DPYD: variants seen among roughly 807,000 people sequenced by gnomAD.
DPYD encodes dihydropyrimidine dehydrogenase.
In DPYD, 109 loss-of-function variants were observed where a neutral mutation model predicts 116.2. That is an observed-to-expected ratio of 0.94 (90% confidence interval 0.80 to 1.10). The LOEUF (loss-of-function observed/expected upper bound fraction) is 1.10. Ranked by LOEUF, DPYD falls within the 50% of genes least tolerant of loss-of-function variation. The probability of loss-of-function intolerance (pLI) is 0.00; values close to 1 mark genes in which losing one functional copy is unlikely to be tolerated. For synonymous variants in DPYD, 440 were observed against 432.0 expected, an observed-to-expected ratio of 1.02 and a Z score of -0.23; for missense variants, 1,302 against 1,254.5, an observed-to-expected ratio of 1.04 and a Z score of -0.57.
intron 12 of DPYD, among the ~76,000 whole-genome samples, chr1:97,548,516 C>G (rs949483032): frequency 6.6e-6 from 1 of 152,080 alleles, no homozygotes; most frequent in South Asian, 2.1e-4. Context: ...GTGGGCGGAT[C>G]ACTTGAGGCC....
chr1:97,175,651 G>A (rs1334604785), intron 20 of DPYD, among the ~76,000 whole-genome samples: 1 of 152,270 alleles, frequency 6.6e-6, no homozygotes, highest in Non-Finnish European at 1.5e-5. Flanking sequence ...GAGAATGTCT[G>A]TTTCTCAACT....
chr1:97,700,856 G>A (rs1053144129), intron 5 of DPYD, among the ~76,000 whole-genome samples: 1 of 151,522 alleles, frequency 6.6e-6, no homozygotes. Flanking sequence ...AATTTACTAA[G>A]TACATTTAGT....
chr1:97,921,015 G>C lies in DPYD; in HGVS notation c.-93C>G. Reference sequence around the variant, plus strand: ...AGCCAAGTGACAGCAGCCGGAGCGCGAGTCGAAAACAGGCAGACTAGGGCC... The same window carrying C: ...AGCCAAGTGACAGCAGCCGGAGCGCCAGTCGAAAACAGGCAGACTAGGGCC... On this transcript the variant is annotated 5_prime_UTR_variant, in exon 1 of 23. Transcript: ENST00000370192. The C allele has an allele frequency of 1.3e-6, 2 of 1,508,370 alleles. No homozygotes were observed. Among genetic ancestry groups the C allele is most frequent in the Non-Finnish European group, 1.8e-6 (2 of 1,110,586 alleles). The allele number at this position is 1,508,370 out of a possible 1,614,324, so 93.4% of individuals were successfully genotyped here.
At chr1:97,262,915 C>A (rs1350445593) in intron 18 of DPYD, among the ~76,000 whole-genome samples, 1 of 152,010 alleles carries the variant, frequency 6.6e-6, no homozygotes, top group Non-Finnish European at 1.5e-5. Flanking sequence ...ATTTAAGATA[C>A]AGTGCAAATC....
chr1:97,720,885 T>A, intron 5 of DPYD: 1 of 1,609,528 alleles, frequency 6.2e-7, no homozygotes, highest in Non-Finnish European at 8.5e-7. Flanking sequence ...AGAATCAAAG[T>A]CTTTACAAAT....
intron 18 of DPYD, among the ~76,000 whole-genome samples, chr1:97,301,720 G>T (rs1024410729): frequency 3.4e-5 from 5 of 145,978 alleles, no homozygotes; most frequent in Non-Finnish European, 7.7e-5. Context: ...GAAGTCAGCT[G>T]CAAGAAAGAC....
chr1:97,611,006 T>C (rs1655910898), intron 8 of DPYD, among the ~76,000 whole-genome samples: 1 of 152,012 alleles, frequency 6.6e-6, no homozygotes, highest in Non-Finnish European at 1.5e-5. Flanking sequence ...TGTGTGTCTG[T>C]GTACGTATGT....
rs187497433 is a variant in DPYD, at chr1:97,863,313, G to C, written c.150+19951C>G. 3.4e-3 allele frequency among the ~76,000 whole-genome samples: 522 copies of C among 151,932 alleles called. 3 individuals carry two copies. The highest frequency in any genetic ancestry group is 0.017 in the South Asian group (83 of 4,822). On this transcript the variant is annotated intron_variant, in intron 2 of 22. Transcript: ENST00000370192. The stretch of plus-strand genomic sequence containing the variant: ...AAAGTAAAGGTCTGAAAAAGGGAAG[G>C]GAAACAGCAGTTACTATTTGGGAGA...
intron 18 of DPYD, chr1:97,295,590 C>CA (rs1666479243): frequency 5.8e-6 from 1 of 173,824 alleles, no homozygotes; most frequent in Admixed American, 6.5e-5. Flanking sequence ...GTCACCATGC[C>CA]AGGCTAAGTT....
At chr1:97,490,452 C>T (rs115216079) in intron 13 of DPYD, among the ~76,000 whole-genome samples, 12,297 of 141,944 alleles carry the variant, frequency 0.087, 613 homozygotes, top group South Asian at 0.11. Flanking sequence ...TATTATATAA[C>T]GTACTAATTA....
At chr1:97,795,714 A>G (rs925178773) in intron 3 of DPYD, among the ~76,000 whole-genome samples, 1 of 151,978 alleles carries the variant, frequency 6.6e-6, no homozygotes, top group Non-Finnish European at 1.5e-5. Flanking sequence ...TTATATTTCA[A>G]TGCTGAAATT....
At chr1:97,765,870 T>A (rs980586726) in intron 3 of DPYD, among the ~76,000 whole-genome samples, 6 of 152,236 alleles carry the variant, frequency 3.9e-5, no homozygotes, top group African/African-American at 1.4e-4. Flanking sequence ...AGACGATAAG[T>A]GAACTATTAT....
At chr1:97,669,574 G>T (rs1015988327) in intron 8 of DPYD, among the ~76,000 whole-genome samples, 2 of 152,126 alleles carry the variant, frequency 1.3e-5, no homozygotes, top group Non-Finnish European at 2.9e-5. Flanking sequence ...ATTTAATGCA[G>T]TCCCTTAAAA....
intron 3 of DPYD, among the ~76,000 whole-genome samples, chr1:97,796,115 C>A (rs1571371514): frequency 6.6e-6 from 1 of 151,962 alleles, no homozygotes; most frequent in Admixed American, 6.6e-5. Flanking sequence ...ACAGATGTAT[C>A]CCCATTTATA....
chr1:97,176,657 A>G (rs1657280067), intron 20 of DPYD, among the ~76,000 whole-genome samples: 1 of 152,196 alleles, frequency 6.6e-6, no homozygotes, highest in Non-Finnish European at 1.5e-5. Flanking sequence ...AGGTTGCAGA[A>G]AAAGCACTGA....
chr1:97,822,971 T>C (rs1286970353), intron 3 of DPYD, among the ~76,000 whole-genome samples: 5 of 152,232 alleles, frequency 3.3e-5, no homozygotes, highest in Non-Finnish European at 5.9e-5. Context: ...ATTTTGTGAT[T>C]GTCCCCATTT....
chr1:97,316,845 C>T (rs1667884790), intron 16 of DPYD, among the ~76,000 whole-genome samples: 1 of 151,868 alleles, frequency 6.6e-6, no homozygotes, highest in Non-Finnish European at 1.5e-5. Flanking sequence ...TTGTCTGTCA[C>T]TTAGGGGCAG....
chr1:97,380,411 T>A (rs1671886473), intron 15 of DPYD, among the ~76,000 whole-genome samples: 1 of 152,198 alleles, frequency 6.6e-6, no homozygotes, highest in Non-Finnish European at 1.5e-5. Context: ...AACTTCTTTG[T>A]GGTGCTCAAA....
intron 3 of DPYD, among the ~76,000 whole-genome samples, chr1:97,826,010 A>G (rs1217432301): frequency 7.3e-6 from 1 of 137,874 alleles, no homozygotes; most frequent in East Asian, 2.3e-4. Context: ...TAATGAATCC[A>G]GACATTACCA....
Sources: gnomAD v4.1 joint callset for allele counts (sites outside exome capture counted in the v4.1 genomes callset) on GRCh38, gnomAD v4.1.1 for gene constraint, MANE v1.5 for transcripts, NCBI Gene and HGNC (gene_info 2026-07-23, HGNC 2026-07-21) for gene names.